Variants in OCA2 observed in about 807,000 individuals in gnomAD.
The protein encoded by OCA2 is OCA2 melanosomal transmembrane protein.
A neutral mutation model predicts 100.2 loss-of-function variants in OCA2; 77 were observed. That is an observed-to-expected ratio of 0.77 (90% CI 0.64 to 0.93). OCA2 has a LOEUF of 0.93. Ranked by LOEUF, OCA2 falls within the 40% of genes least tolerant of loss-of-function variation. OCA2 has a pLI of 0.00. For missense variants in OCA2, 1,062 were observed against 1,089.1 expected (o/e 0.98, Z 0.35); for synonymous variants, 432 against 439.2 (o/e 0.98, Z 0.21).
intron 21 of OCA2, among the ~76,000 whole-genome samples, chr15:27,852,651 G>A (rs2035796574): frequency 6.6e-6 from 1 of 151,258 alleles, no homozygotes; most frequent in Admixed American, 6.6e-5. Context: ...CAAAATGGGA[G>A]AAAATTTTTG....
chr15:28,055,338 C>T (rs1245986906), intron 2 of OCA2, among the ~76,000 whole-genome samples: 6 of 125,868 alleles, frequency 4.8e-5, no homozygotes, highest in Non-Finnish European at 1.0e-4. Flanking sequence ...CTCACACTTG[C>T]ATTTTTCCCC....
At chr15:28,095,253 C>T (rs890404292) in intron 1 of OCA2, among the ~76,000 whole-genome samples, 2 of 152,124 alleles carry the variant, frequency 1.3e-5, no homozygotes, top group Admixed American at 6.5e-5. Context: ...GGCGGGAGGG[C>T]AGGAGTGGCC....
chr15:28,026,565 C>A (rs17652091), intron 4 of OCA2, among the ~76,000 whole-genome samples: 24,372 of 152,206 alleles, frequency 0.16, 2,605 homozygotes, highest in Non-Finnish European at 0.24. Flanking sequence ...AGCTCCATGT[C>A]AAGCAGCGAT....
the OCA2 span, among the ~76,000 whole-genome samples, chr15:27,746,298 A>C: frequency 6.6e-6 from 1 of 152,108 alleles, no homozygotes; most frequent in African/African-American, 2.4e-5. Context: ...TCTACTAAAA[A>C]TACAAAAATT....
chr15:27,739,162 A>G, the OCA2 span, among the ~76,000 whole-genome samples: 1 of 152,174 alleles, frequency 6.6e-6, no homozygotes, highest in Non-Finnish European at 1.5e-5. Flanking sequence ...ATGAAAAATG[A>G]GAAGTGGGAA....
intron 23 of OCA2, among the ~76,000 whole-genome samples, chr15:27,803,852 G>A (rs1424057405): frequency 6.6e-6 from 1 of 152,196 alleles, no homozygotes; most frequent in Admixed American, 6.5e-5. Flanking sequence ...GTAGAGAAAT[G>A]AGAGTTCTCA....
intron 21 of OCA2, among the ~76,000 whole-genome samples, chr15:27,868,972 C>T (rs1267154126): frequency 1.3e-5 from 2 of 152,210 alleles, no homozygotes; most frequent in African/African-American, 2.4e-5. Context: ...CGCCCACCCA[C>T]TTCGCAGATC....
intron 18 of OCA2, among the ~76,000 whole-genome samples, chr15:27,940,730 T>C (rs2039618263): frequency 6.6e-6 from 1 of 152,258 alleles, no homozygotes; most frequent in Admixed American, 6.5e-5. Flanking sequence ...GTCAGTCATG[T>C]TTGCAGTTGT....
At chr15:27,818,030 T>C (rs927550581) in intron 23 of OCA2, among the ~76,000 whole-genome samples, 1 of 152,200 alleles carries the variant, frequency 6.6e-6, no homozygotes, top group Non-Finnish European at 1.5e-5. Flanking sequence ...ATCCATTCAA[T>C]TTAACATTTA....
At chr15:28,006,300 G>A (rs2042090072) in intron 9 of OCA2, among the ~76,000 whole-genome samples, 1 of 152,150 alleles carries the variant, frequency 6.6e-6, no homozygotes, top group African/African-American at 2.4e-5. Flanking sequence ...TCGAACAACA[G>A]CATGCTCCAG....
chr15:27,806,404 G>A (rs1371443745), intron 23 of OCA2, among the ~76,000 whole-genome samples: 1 of 152,248 alleles, frequency 6.6e-6, no homozygotes, highest in Non-Finnish European at 1.5e-5. Flanking sequence ...GGAAAGGAAC[G>A]TACTGTGAGA....
intron 1 of OCA2, among the ~76,000 whole-genome samples, chr15:28,097,256 C>T (rs1055035115): frequency 1.3e-5 from 2 of 152,208 alleles, no homozygotes; most frequent in African/African-American, 4.8e-5. Flanking sequence ...GCGCGGGTCC[C>T]GCGGGTGGCC....
chr15:27,916,883 C>T (rs1595640655), intron 19 of OCA2, among the ~76,000 whole-genome samples: 1 of 152,154 alleles, frequency 6.6e-6, no homozygotes, highest in Admixed American at 6.5e-5. Context: ...TGACCCAAAA[C>T]GTACGCTGGA....
chr15:27,749,797 G>C, the OCA2 span, among the ~76,000 whole-genome samples: 2 of 152,110 alleles, frequency 1.3e-5, no homozygotes, highest in Non-Finnish European at 2.9e-5. Context: ...GGTTATGCAC[G>C]CTGAAAATTG....
At chr15:27,881,978 C>T (rs181079244) in intron 19 of OCA2, among the ~76,000 whole-genome samples, 134 of 152,222 alleles carry the variant, frequency 8.8e-4, no homozygotes, top group African/African-American at 1.4e-3. Flanking sequence ...GTCGATATGA[C>T]ATCTTTCTAG....
intron 23 of OCA2, among the ~76,000 whole-genome samples, chr15:27,761,693 A>T (rs2150993397): frequency 6.6e-6 from 1 of 152,242 alleles, no homozygotes; most frequent in South Asian, 2.1e-4. Context: ...TGAATGGGAG[A>T]CCCTCTCTAT....
At chr15:28,023,294 A>G (rs2042650236) in intron 5 of OCA2, among the ~76,000 whole-genome samples, 2 of 152,208 alleles carry the variant, frequency 1.3e-5, no homozygotes, top group Non-Finnish European at 2.9e-5. Flanking sequence ...TTTCTAGCAT[A>G]GGTTTCCTTT....
chr15:27,860,441 C>G (rs1018871825), intron 21 of OCA2, among the ~76,000 whole-genome samples: 1 of 152,198 alleles, frequency 6.6e-6, no homozygotes, highest in East Asian at 1.9e-4. Context: ...TTTCAACCCT[C>G]GTCCTCATCC....
chr15:27,881,645 G>A (rs373298812), intron 19 of OCA2, among the ~76,000 whole-genome samples: 5 of 152,274 alleles, frequency 3.3e-5, no homozygotes, highest in East Asian at 3.9e-4. Context: ...AGATTTTCTA[G>A]TTTATTTGCA....
Sources: gnomAD v4.1 joint callset for allele counts (sites outside exome capture counted in the v4.1 genomes callset) on GRCh38, gnomAD v4.1.1 for gene constraint, MANE v1.5 for transcripts, NCBI Gene and HGNC (gene_info 2026-07-23, HGNC 2026-07-21) for gene names.